ACTRT1: variants seen among roughly 807,000 people sequenced by gnomAD.
ACTRT1 encodes actin-related protein T1.
A neutral mutation model predicts 1.4 loss-of-function variants in ACTRT1; 1 was observed. The ratio of observed to expected loss-of-function variants is 0.69; its 90% CI spans 0.25 to 3.28. The LOEUF is 3.28. ACTRT1 is among the 30% of genes most tolerant of loss of function. The probability of loss-of-function intolerance (pLI) is 0.20; values close to 1 mark genes in which losing one functional copy is unlikely to be tolerated. For synonymous variants in ACTRT1, 121 were observed against 115.2 expected, an observed-to-expected ratio of 1.05 and a Z score of -0.32; for missense variants, 334 against 291.5, an observed-to-expected ratio of 1.15 and a Z score of -1.06.
chrX:128,051,302 C>G lies in ACTRT1; in HGVS notation c.905G>C (p.Gly302Ala), dbSNP rs1472344346. ...NKLYADIVLS[G>A]GTTLLPGLEE... ...CAGCCCAGGGAGGAGAGTGGTGCCC[C>G]CGGAGAGTACAATGTCTGCATAAAG... Residue 302 changes from glycine to alanine, a missense_variant, in exon 1 of 1, where the codon GGG becomes GCG. By Grantham distance (60) the Gly-to-Ala change is moderately conservative. Transcript: ENST00000371124. The G allele has an allele frequency of 8.3e-7, 1 of 1,210,282 alleles. No individual in the cohort carries two copies. Among genetic ancestry groups the G allele is most frequent in the Non-Finnish European group, 1.1e-6 (1 of 895,196 alleles).
At position 128,052,058 on chromosome X, in the gene ACTRT1, C is replaced by T. The variant is rs772248403; in HGVS notation, c.149G>A (p.Arg50Lys). The change falls in exon 1 of 1, where the codon AGA (arginine) becomes AAA (lysine). Residue 50 changes from arginine to lysine, a missense_variant. Coordinates refer to ENST00000371124, the MANE Select transcript of ACTRT1 (RefSeq NM_138289.4). ...GHCKFNVPLA[R>K]LNQKYFVGQE... ...CCCCACGAAGTACTTCTGATTAAGT[C>T]TTGCTAAAGGCACATTGAATTTACA... is the stretch of plus-strand genomic sequence containing the variant. 2 of 1,211,775 alleles carry T rather than the reference C, an allele frequency of 1.7e-6. No individual in the cohort carries two copies. The highest frequency in any genetic ancestry group is 1.8e-5 in the South Asian group (1 of 56,968).
Position 128,051,497 on chromosome X carries a change from A to T in ACTRT1, c.710T>A (p.Val237Asp), listed in dbSNP as rs1420804090. 8.3e-7 allele frequency: 1 copy of T among 1,208,397 alleles called. No homozygotes were observed. Among genetic ancestry groups the T allele is most frequent in the Non-Finnish European group, 1.1e-6 (1 of 894,606 alleles). ...ATCTGGCAGTCTGTATGCTCCCAGG[A>T]CCTCTCCCCGGCTCTTGCGTAGCTC... ...EKELRKSRGE[V>D]LGAYRLPDGH... The change falls in exon 1 of 1, where the codon GTC becomes GAC. Residue 237 changes from valine to aspartate, a missense_variant. Physicochemically the swap from Val to Asp is radical, Grantham distance 152. Coordinates refer to ENST00000371124, the MANE Select transcript of ACTRT1 (RefSeq NM_138289.4).
Position 128,052,158 on chromosome X carries a change from C to T in ACTRT1, c.49G>A (p.Gly17Ser), listed in dbSNP as rs748631075. The T allele has an allele frequency of 8.3e-7, 1 of 1,207,990 alleles. No individual in the cohort carries two copies. Residue 17 changes from glycine to serine, a missense_variant, in exon 1 of 1, where the codon GGT (glycine) becomes AGT (serine). Physicochemically the swap from Gly to Ser is moderately conservative, Grantham distance 56. Coordinates refer to ENST00000371124, the MANE Select transcript of ACTRT1 (RefSeq NM_138289.4). Reference protein sequence around the residue: ...LDVPAVIFDNGSGLCKAGLSG... With the variant: ...LDVPAVIFDNSSGLCKAGLSG... ...AGGCCTGCTTTGCAGAGTCCTGAAC[C>T]ATTGTCAAAAATTACAGCAGGAACA...
Position 128,051,982 on chromosome X carries a change from C to T in ACTRT1, c.225G>A (p.Glu75=). 8.3e-7 allele frequency: 1 copy of T among 1,211,735 alleles called. No individual in the cohort carries two copies. The highest frequency in any genetic ancestry group is 1.1e-6 in the Non-Finnish European group (1 of 895,536). Residue 75 remains glutamate (E), a synonymous_variant, in exon 1 of 1, where the codon GAG becomes GAA. Transcript: ENST00000371124. ...YEALHLHYPI[E]RGLVTGWDDM... ...CATCCCATCCTGTTACCAGTCCACGCTCAATGGGGTAGTGCAAATGTAGGG... is the reference window on the plus strand; with the variant it reads ...CATCCCATCCTGTTACCAGTCCACGTTCAATGGGGTAGTGCAAATGTAGGG...
In ACTRT1 at chrX:128,051,577, G is replaced by A. The variant is rs962032863; in HGVS notation, c.630C>T (p.Ala210=). 8.3e-6 allele frequency: 10 copies of A among 1,208,956 alleles called. No individual in the cohort carries two copies. The highest frequency in any genetic ancestry group is 7.0e-5 in the African/African-American group (4 of 56,820). Residue 210 remains alanine, a synonymous_variant, in exon 1 of 1, where the codon GCC becomes GCT. Transcript: ENST00000371124. ...GFNFPCILNK[A]VVNNIKEKLC... ...ACTTCTCTTTGATGTTATTTACCAC[G>A]GCCTTGTTGAGTATGCAAGGGAAGT...
Position 128,051,631 on chromosome X carries a change from G to A in ACTRT1, c.576C>T (p.Leu192=), listed in dbSNP as rs771776197. 6 of 1,211,216 alleles carry A rather than the reference G, an allele frequency of 5.0e-6. No individual in the cohort carries two copies. The South Asian group carries it at 7.0e-5, about 14-fold the overall frequency. The part of the protein sequence containing the change: ...CMAGRDITEH[L]TRLLFASGFN... Reference sequence around the variant, plus strand: ...ACCCGCTAGCAAAGAGGAGCCGGGTGAGGTGCTCTGTGATGTCCCTCCCTG... The same window carrying A: ...ACCCGCTAGCAAAGAGGAGCCGGGTAAGGTGCTCTGTGATGTCCCTCCCTG... The change falls in exon 1 of 1, where the codon CTC becomes CTT. Residue 192 remains leucine, a synonymous_variant. Transcript: ENST00000371124.
At position 128,051,762 on chromosome X, in the gene ACTRT1, C is replaced by T. The variant is rs1235785743; in HGVS notation, c.445G>A (p.Ala149Thr). 4 of 1,209,029 alleles carry T rather than the reference C, an allele frequency of 3.3e-6. No individual in the cohort carries two copies. The African/African-American group carries it at 5.3e-5, about 16-fold the overall frequency. Reference sequence around the variant, plus strand: ...TCCACCACCAGGCCTGTGACACAGGCAGAGGCATAGAGCGCTGCCACCGCA... The same window carrying T: ...TCCACCACCAGGCCTGTGACACAGGTAGAGGCATAGAGCGCTGCCACCGCA... ...NHAVAALYASACVTGLVVDSG... is the reference protein window; with the variant it reads ...NHAVAALYASTCVTGLVVDSG... The change falls in exon 1 of 1, where the codon GCC becomes ACC. Residue 149 changes from alanine to threonine, a missense_variant. Physicochemically the swap from Ala to Thr is moderately conservative, Grantham distance 58. Coordinates refer to ENST00000371124, the MANE Select transcript of ACTRT1 (RefSeq NM_138289.4).
rs144905018 is a variant in ACTRT1, at chrX:128,051,521, T to C, written c.686A>G (p.Glu229Gly). 26 of 1,208,661 alleles carry C rather than the reference T, an allele frequency of 2.2e-5. No individual in the cohort carries two copies. The highest frequency in any genetic ancestry group is 1.8e-5 in the South Asian group (1 of 56,670). The change falls in exon 1 of 1, where the codon GAG becomes GGG. Residue 229 changes from glutamate to glycine, a missense_variant. Physicochemically the swap from Glu to Gly is moderately conservative, Grantham distance 98. Transcript: ENST00000371124. ...GACCTCTCCCCGGCTCTTGCGTAGC[T>C]CTTTCTCTGGCTCCAAGGCGATGTA... ...LCYIALEPEKELRKSRGEVLG... is the reference protein window; with the variant it reads ...LCYIALEPEKGLRKSRGEVLG...
chrX:128,051,504 C>T lies in ACTRT1; in HGVS notation c.703G>A (p.Gly235Arg). The T allele has an allele frequency of 8.3e-7, 1 of 1,210,925 alleles. No homozygotes were observed. Among genetic ancestry groups the T allele is most frequent in the Non-Finnish European group, 1.1e-6 (1 of 895,346 alleles). Residue 235 changes from glycine to arginine, a missense_variant, in exon 1 of 1, where the codon GGA becomes AGA. Transcript: ENST00000371124. Reference protein sequence around the residue: ...EPEKELRKSRGEVLGAYRLPD... With the variant: ...EPEKELRKSRREVLGAYRLPD... ...AGTCTGTATGCTCCCAGGACCTCTC[C>T]CCGGCTCTTGCGTAGCTCTTTCTCT... is the stretch of plus-strand genomic sequence containing the variant.
At position 128,052,287 on chromosome X, in the gene ACTRT1, G is replaced by T. The variant is rs1413705240; in HGVS notation, c.-81C>A. Reference sequence around the variant, plus strand: ...CTCTCTGAGATGACAGGCACCTTTAGAATTTTTTAAACTTCAGGGTTCTGA... The same window carrying T: ...CTCTCTGAGATGACAGGCACCTTTATAATTTTTTAAACTTCAGGGTTCTGA... On this transcript the variant is annotated 5_prime_UTR_variant, in exon 1 of 1. Coordinates refer to ENST00000371124, the MANE Select transcript of ACTRT1 (RefSeq NM_138289.4). 22 of 1,071,656 alleles carry T rather than the reference G, an allele frequency of 2.1e-5. No homozygotes were observed. The highest frequency in any genetic ancestry group is 2.4e-5 in the South Asian group (1 of 41,963). The allele number at this position is 1,071,656 out of a possible 1,213,427, so 88.3% of individuals were successfully genotyped here. A position where few individuals can be genotyped will look rare whatever the true frequency, so the allele number is the denominator to read the frequency against.
At position 128,050,974 on chromosome X, in the gene ACTRT1, A is replaced by G; in HGVS notation, c.*102T>C. The G allele has an allele frequency of 1.0e-6, 1 of 998,595 alleles. No homozygotes were observed. The highest frequency in any genetic ancestry group is 3.1e-5 in the East Asian group (1 of 32,544). 82.3% of individuals were successfully genotyped at this position (998,595 alleles called of 1,213,427 possible). A position where few individuals can be genotyped will look rare whatever the true frequency, so the allele number is the denominator to read the frequency against. ...AATAAACTGAAACTTGAAATGGCAA[A>G]ACTTTTATTGAACATCATGCTGAAG... On this transcript the variant is annotated 3_prime_UTR_variant, in exon 1 of 1. Coordinates refer to ENST00000371124, the MANE Select transcript of ACTRT1 (RefSeq NM_138289.4).
chrX:128,051,143 T>A lies in ACTRT1; in HGVS notation c.1064A>T (p.Gln355Leu), dbSNP rs1927752772. The change falls in exon 1 of 1, where the codon CAG becomes CTG. Residue 355 changes from glutamine to leucine, a missense_variant. Physicochemically the swap from Gln to Leu is moderately radical, Grantham distance 113. Transcript: ENST00000371124. ...SIMTSMSSFKQMWVTSADFKE... is the reference protein window; with the variant it reads ...SIMTSMSSFKLMWVTSADFKE... Reference sequence around the variant, plus strand: ...GAAGTCTGCCGAGGTGACCCACATCTGCTTGAAACTGCTCATAGAGGTCAT... The same window carrying A: ...GAAGTCTGCCGAGGTGACCCACATCAGCTTGAAACTGCTCATAGAGGTCAT... The A allele has an allele frequency of 8.3e-7, 1 of 1,206,848 alleles. No homozygotes were observed. Among genetic ancestry groups the A allele is most frequent in the African/African-American group, 1.8e-5 (1 of 56,188 alleles).
Position 128,051,491 on chromosome X carries a change from C to A in ACTRT1, c.716G>T (p.Gly239Val), listed in dbSNP as rs1251231300. 1 of 1,211,038 alleles carries A rather than the reference C, an allele frequency of 8.3e-7. No homozygotes were observed. Among genetic ancestry groups the A allele is most frequent in the Non-Finnish European group, 1.1e-6 (1 of 895,384 alleles). ...ATGTCCATCTGGCAGTCTGTATGCT[C>A]CCAGGACCTCTCCCCGGCTCTTGCG... Reference protein sequence around the residue: ...ELRKSRGEVLGAYRLPDGHVI... With the variant: ...ELRKSRGEVLVAYRLPDGHVI... Residue 239 changes from glycine (G) to valine (V), a missense_variant, in exon 1 of 1, where the codon GGA (glycine) becomes GTA (valine). Coordinates refer to ENST00000371124, the MANE Select transcript of ACTRT1 (RefSeq NM_138289.4).
At position 128,052,326 on chromosome X, in the gene ACTRT1, C is replaced by G. The variant is rs889245864; in HGVS notation, c.-120G>C. 1 of 767,912 alleles carries G rather than the reference C, an allele frequency of 1.3e-6. No homozygotes were observed. 63.3% of individuals were successfully genotyped at this position (767,912 alleles called of 1,213,427 possible). On this transcript the variant is annotated 5_prime_UTR_variant, in exon 1 of 1. Coordinates refer to ENST00000371124, the MANE Select transcript of ACTRT1 (RefSeq NM_138289.4). ...TCAGGGTTCTGAAGTTTCAAGTTGTCACCCATGTACAGCTAGTAGGCTACC... is the reference window on the plus strand; with the variant it reads ...TCAGGGTTCTGAAGTTTCAAGTTGTGACCCATGTACAGCTAGTAGGCTACC...
In ACTRT1 at chrX:128,052,237, A is replaced by G. The variant is rs1259617077; in HGVS notation, c.-31T>C. On this transcript the variant is annotated 5_prime_UTR_variant, in exon 1 of 1. Coordinates refer to ENST00000371124, the MANE Select transcript of ACTRT1 (RefSeq NM_138289.4). ...TAATATGTTCTCCTGGACTTCCCCC[A>G]AATAAAGAAAGAACACTTACGTCAC... is the stretch of plus-strand genomic sequence containing the variant. 2 of 1,141,782 alleles carry G rather than the reference A, an allele frequency of 1.8e-6. No homozygotes were observed. The highest frequency in any genetic ancestry group is 3.0e-5 in the East Asian group (1 of 33,228). The allele number at this position is 1,141,782 out of a possible 1,213,427, so 94.1% of individuals were successfully genotyped here.
In ACTRT1 at chrX:128,051,447, C is replaced by T. The variant is rs372554502; in HGVS notation, c.760G>A (p.Glu254Lys). ...PDGHVIHFGD[E>K]LYQVPEVLFA... Reference sequence around the variant, plus strand: ...AGAACCTCGGGCACTTGGTACAGCTCATCCCCAAAGTGGATGACATGTCCA... The same window carrying T: ...AGAACCTCGGGCACTTGGTACAGCTTATCCCCAAAGTGGATGACATGTCCA... Residue 254 changes from glutamate to lysine, a missense_variant, in exon 1 of 1, where the codon GAG becomes AAG. Physicochemically the swap from Glu to Lys is moderately conservative, Grantham distance 56. Coordinates refer to ENST00000371124, the MANE Select transcript of ACTRT1 (RefSeq NM_138289.4). 77 of 1,208,627 alleles carry T rather than the reference C, an allele frequency of 6.4e-5. No homozygotes were observed. The East Asian group carries it at 1.5e-3, about 23-fold the overall frequency.
Position 128,051,165 on chromosome X carries a change from T to A in ACTRT1, c.1042A>T (p.Thr348Ser). 8.3e-7 allele frequency: 1 copy of A among 1,209,815 alleles called. No homozygotes were observed. ...FSAWIGASIM[T>S]SMSSFKQMWV... ...ATCTGCTTGAAACTGCTCATAGAGG[T>A]CATGATGGATGCACCAATCCATGCA... Residue 348 changes from threonine to serine, a missense_variant, in exon 1 of 1, where the codon ACC (threonine) becomes TCC (serine). Coordinates refer to ENST00000371124, the MANE Select transcript of ACTRT1 (RefSeq NM_138289.4).
rs1927786893 is a variant in ACTRT1, at chrX:128,052,252, A to G, written c.-46T>C. On this transcript the variant is annotated 5_prime_UTR_variant, in exon 1 of 1. Coordinates refer to ENST00000371124, the MANE Select transcript of ACTRT1 (RefSeq NM_138289.4). ...GACTTCCCCCAAATAAAGAAAGAAC[A>G]CTTACGTCACTCTCTGAGATGACAG... 1 of 1,118,067 alleles carries G rather than the reference A, an allele frequency of 8.9e-7. No homozygotes were observed. Among genetic ancestry groups the G allele is most frequent in the African/African-American group, 1.8e-5 (1 of 54,137 alleles). 92.1% of individuals were successfully genotyped at this position (1,118,067 alleles called of 1,213,427 possible).
rs1339620275 is a variant in ACTRT1, at chrX:128,051,564, T to G, written c.643A>C (p.Ile215Leu). ...CILNKAVVNN[I>L]KEKLCYIALE... ...GCGATGTAGCACAACTTCTCTTTGA[T>G]GTTATTTACCACGGCCTTGTTGAGT... The change falls in exon 1 of 1, where the codon ATC becomes CTC. Residue 215 changes from isoleucine to leucine, a missense_variant. Physicochemically the swap from Ile to Leu is conservative, Grantham distance 5 (BLOSUM62 2). Coordinates refer to ENST00000371124, the MANE Select transcript of ACTRT1 (RefSeq NM_138289.4). 8 of 1,209,122 alleles carry G rather than the reference T, an allele frequency of 6.6e-6. No homozygotes were observed. The highest frequency in any genetic ancestry group is 1.8e-5 in the African/African-American group (1 of 56,939).
Sources: allele counts gnomAD v4.1 joint callset, GRCh38; gene constraint gnomAD v4.1.1; transcripts MANE v1.5; gene names NCBI Gene and HGNC (gene_info 2026-07-23, HGNC 2026-07-21).